The following HNRNPC variants were observed in gnomAD, a reference collection of about 807,000 sequenced individuals.
HNRNPC encodes heterogeneous nuclear ribonucleoproteins C1/C2.
A neutral mutation model predicts 33.2 loss-of-function variants in HNRNPC; 3 were observed. The ratio of observed to expected loss-of-function variants is 0.09; its 90% CI spans 0.04 to 0.23. HNRNPC has a LOEUF of 0.23. Ranked by LOEUF, HNRNPC falls within the 10% of genes least tolerant of loss-of-function variation. The probability of loss-of-function intolerance (pLI) is 1.00; values close to 1 mark genes in which losing one functional copy is unlikely to be tolerated. For synonymous variants in HNRNPC, 121 were observed against 126.7 expected, an observed-to-expected ratio of 0.96 and a Z score of 0.30; for missense variants, 143 against 366.7, an observed-to-expected ratio of 0.39 and a Z score of 4.98.
At chr14:21,229,526 C>A (rs2139620646) in intron 5 of HNRNPC, among the ~76,000 whole-genome samples, 1 of 152,316 alleles carries the variant, frequency 6.6e-6, no homozygotes, top group East Asian at 1.9e-4. Context: ...ACTCTTCTGG[C>A]CTTCTAATGA....
At chr14:21,249,597 A>AAC (rs1896396827) in intron 2 of HNRNPC, among the ~76,000 whole-genome samples, 2 of 131,340 alleles carry the variant, frequency 1.5e-5, no homozygotes, top group African/African-American at 5.2e-5. Context: ...CAAAAACAAA[A>AAC]AAAAAAAAAA....
At chr14:21,225,751 T>C (rs1484429338) in intron 5 of HNRNPC, among the ~76,000 whole-genome samples, 2 of 152,134 alleles carry the variant, frequency 1.3e-5, no homozygotes, top group Non-Finnish European at 2.9e-5. Context: ...CAAAACGTCA[T>C]TCACATACCA....
intron 1 of HNRNPC, among the ~76,000 whole-genome samples, chr14:21,267,458 G>C (rs1224790771): frequency 6.6e-6 from 1 of 152,114 alleles, no homozygotes; most frequent in Non-Finnish European, 1.5e-5. Flanking sequence ...AAATCCTCTA[G>C]AGATTTAATT....
At chr14:21,260,791 C>G (rs957773351) in intron 2 of HNRNPC, among the ~76,000 whole-genome samples, 11 of 151,912 alleles carry the variant, frequency 7.2e-5, no homozygotes, top group African/African-American at 2.4e-4. Context: ...GGTGAAACCT[C>G]GTCACTACTA....
rs773027916 is a variant in HNRNPC at position 21,233,947 on chromosome 14, A to C, written c.241+6T>G. The C allele has an allele frequency of 2.5e-6, 4 of 1,611,008 alleles. No individual in the cohort carries two copies. The African/African-American group carries it at 5.4e-5, about 22-fold the overall frequency. The stretch of plus-strand genomic sequence containing the variant: ...AATTACATCATCAATGAAAAAATTC[A>C]CTTACCTAAAACCTGGCCAGCAATC... On this transcript the variant is annotated splice_donor_region_variant and intron_variant, in intron 3 of 8. Coordinates refer to ENST00000553300, the MANE Select transcript of HNRNPC (RefSeq NM_004500.4).
chr14:21,236,949 T>C (rs376195779), intron 2 of HNRNPC, among the ~76,000 whole-genome samples: 2 of 151,932 alleles, frequency 1.3e-5, no homozygotes, highest in East Asian at 3.9e-4. Context: ...GTGGGAGAAA[T>C]AAAAGGTAAG....
intron 2 of HNRNPC, among the ~76,000 whole-genome samples, chr14:21,258,581 T>TA (rs1449191075): frequency 6.6e-6 from 1 of 152,044 alleles, no homozygotes; most frequent in Non-Finnish European, 1.5e-5. Context: ...TATCTACTCC[T>TA]ACTCAAGGTT....
intron 2 of HNRNPC, among the ~76,000 whole-genome samples, chr14:21,242,699 T>A (rs1354011568): frequency 1.3e-5 from 2 of 152,080 alleles, no homozygotes; most frequent in Non-Finnish European, 2.9e-5. Flanking sequence ...AACTAAGGGA[T>A]CATAGTTAGA....
chr14:21,261,260 C>G (rs1267280094), intron 2 of HNRNPC, among the ~76,000 whole-genome samples: 1 of 152,092 alleles, frequency 6.6e-6, no homozygotes, highest in Non-Finnish European at 1.5e-5. Context: ...TTTATATCCC[C>G]AAACACAACA....
At chr14:21,251,527 A>T (rs919535791) in intron 2 of HNRNPC, among the ~76,000 whole-genome samples, 1 of 151,964 alleles carries the variant, frequency 6.6e-6, no homozygotes, top group Non-Finnish European at 1.5e-5. Context: ...AAAAATACAA[A>T]ATCTAGCCAA....
At chr14:21,239,914 A>G (rs1174708472) in intron 2 of HNRNPC, among the ~76,000 whole-genome samples, 2 of 152,192 alleles carry the variant, frequency 1.3e-5, no homozygotes, top group African/African-American at 4.8e-5. Context: ...AATAGTGGTT[A>G]GCACTCAAAT....
At chr14:21,212,597 C>A (rs765811814) in intron 6 of HNRNPC, among the ~76,000 whole-genome samples, 4 of 151,486 alleles carry the variant, frequency 2.6e-5, no homozygotes, top group Non-Finnish European at 5.9e-5. Flanking sequence ...GGCTGGAGTG[C>A]AATGGCATGA....
chr14:21,233,559 A>T (rs1016993327), intron 3 of HNRNPC, among the ~76,000 whole-genome samples: 1 of 152,124 alleles, frequency 6.6e-6, no homozygotes, highest in African/African-American at 2.4e-5. Context: ...AATACAAGAA[A>T]ATCTAACACT....
In HNRNPC at chr14:21,220,471, C is replaced by T. The variant is rs10141268; in HGVS notation, c.366-7354G>A. Among the ~76,000 whole-genome samples the T allele has an allele frequency of 9.1e-3, 1,384 of 152,244 alleles. 16 individuals are homozygous for T. Among genetic ancestry groups the T allele is most frequent in the African/African-American group, 0.032 (1,313 of 41,536 alleles). ...CTTGAACTCCTGACCCCAGGTGATC[C>T]GCTCGCCTCGGCCTCCCAAAGTGCT... On this transcript the variant is annotated intron_variant, in intron 5 of 8. Coordinates refer to ENST00000553300, the MANE Select transcript of HNRNPC (RefSeq NM_004500.4).
intron 1 of HNRNPC, chr14:21,265,441 C>A (rs535531246): frequency 1.3e-5 from 2 of 152,210 alleles, no homozygotes; most frequent in African/African-American, 2.4e-5. Context: ...CAGTATCTCC[C>A]AAGATGTTAT....
intron 5 of HNRNPC, among the ~76,000 whole-genome samples, chr14:21,222,270 C>CAT (rs1892911378): frequency 6.6e-6 from 1 of 152,058 alleles, no homozygotes; most frequent in South Asian, 2.1e-4. Flanking sequence ...TCAGGTTGAC[C>CAT]ATATAATCAC....
At chr14:21,226,836 AC>A (rs528097031) in intron 5 of HNRNPC, among the ~76,000 whole-genome samples, 50 of 125,854 alleles carry the variant, frequency 4.0e-4, no homozygotes, top group African/African-American at 1.4e-3. Flanking sequence ...GCCAAGACCA[AC>A]CCACTGCACT....
intron 2 of HNRNPC, among the ~76,000 whole-genome samples, chr14:21,257,153 C>T (rs1877359555): frequency 6.6e-6 from 1 of 152,110 alleles, no homozygotes; most frequent in Non-Finnish European, 1.5e-5. Context: ...ACAGAGTTGT[C>T]ATGCAGGTAA....
chr14:21,215,182 T>G (rs1892025672), intron 5 of HNRNPC, among the ~76,000 whole-genome samples: 1 of 152,210 alleles, frequency 6.6e-6, no homozygotes. Context: ...AGTTAAGGCT[T>G]TTAGTTACAC....
Sources: allele counts gnomAD v4.1 joint callset (sites outside exome capture counted in the v4.1 genomes callset), GRCh38; gene constraint gnomAD v4.1.1; transcripts MANE v1.5; gene names NCBI Gene and HGNC (gene_info 2026-07-23, HGNC 2026-07-21).